The following DIP2C variants were observed in gnomAD, a reference collection of about 807,000 sequenced individuals.
DIP2C encodes disco-interacting protein 2 homolog C.
Under a neutral mutation model 192.4 loss-of-function variants are expected in DIP2C, and 33 were observed. That is an observed-to-expected ratio of 0.17 (90% CI 0.13 to 0.23). The LOEUF is 0.23. DIP2C is among the 10% of genes least tolerant of loss of function. The pLI is 1.00. For missense variants in DIP2C, 1,537 were observed against 2,110.1 expected (o/e 0.73, Z 5.32); for synonymous variants, 979 against 864.1 (o/e 1.13, Z -2.33).
intron 20 of DIP2C, 54 bp downstream of exon 20, chr10:364,320 T>G: frequency 6.4e-7 from 1 of 1,568,304 alleles, no homozygotes; most frequent in Non-Finnish European, 8.7e-7. Context: ...CAAAACCACA[T>G]AAAAAATATG....
chr10:421,652 G>A (rs957784179), intron 5 of DIP2C, among the ~76,000 whole-genome samples: 1 of 152,180 alleles, frequency 6.6e-6, no homozygotes, highest in Non-Finnish European at 1.5e-5. Flanking sequence ...ATACTGCTTT[G>A]CATTTGAGTA....
chr10:428,763 A>C (rs1464191507), intron 4 of DIP2C, among the ~76,000 whole-genome samples: 1 of 152,106 alleles, frequency 6.6e-6, no homozygotes, highest in Non-Finnish European at 1.5e-5. Context: ...CAAGGATATT[A>C]ACATTGTGTC....
chr10:401,880 T>G (rs1964481257), intron 9 of DIP2C, among the ~76,000 whole-genome samples: 1 of 150,166 alleles, frequency 6.7e-6, no homozygotes, highest in African/African-American at 2.5e-5. Context: ...TTTGGTACAT[T>G]TTCATCAGCA....
chr10:586,091 A>G (rs1851005166), intron 1 of DIP2C, among the ~76,000 whole-genome samples: 1 of 152,166 alleles, frequency 6.6e-6, no homozygotes, highest in Non-Finnish European at 1.5e-5. Context: ...CAACCAAGGC[A>G]AAGTAAGGTC....
intron 1 of DIP2C, chr10:668,287 TAACACATACAACATAC>T (rs1857235931): frequency 6.6e-6 from 1 of 150,566 alleles, no homozygotes; most frequent in Non-Finnish European, 1.5e-5. Flanking sequence ...ATACAACATA[TAACACATACAACATAC>T]AACACATGCA....
At chr10:462,291 A>C (rs1969850227) in intron 3 of DIP2C, among the ~76,000 whole-genome samples, 2 of 152,184 alleles carry the variant, frequency 1.3e-5, no homozygotes, top group Non-Finnish European at 2.9e-5. Flanking sequence ...TAGCCAGACA[A>C]AGAAGAAAAG....
chr10:599,319 C>G (rs1290641182), intron 1 of DIP2C, among the ~76,000 whole-genome samples: 1 of 152,204 alleles, frequency 6.6e-6, no homozygotes. Context: ...TACAGGAACA[C>G]ACAGGTAAGT....
At chr10:345,522 TCCCAGACACACCGCGCATAGTTCTCCCG>T (rs1564590224) in intron 26 of DIP2C, among the ~76,000 whole-genome samples, 7 of 34,664 alleles carry the variant, frequency 2.0e-4, no homozygotes, top group African/African-American at 7.7e-4. Context: ...CAAACACCCA[TCCCAGACACACCGCGCATAGTTCTCCCG>T]GAAACCCCCC....
At chr10:635,479 G>A (rs962744629) in intron 1 of DIP2C, among the ~76,000 whole-genome samples, 3 of 152,242 alleles carry the variant, frequency 2.0e-5, no homozygotes, top group African/African-American at 7.2e-5. Flanking sequence ...GGCCAGCAGG[G>A]GCGAGGCCGG....
intron 10 of DIP2C, among the ~76,000 whole-genome samples, chr10:394,934 A>G (rs975693506): frequency 2.0e-5 from 3 of 152,012 alleles, no homozygotes; most frequent in African/African-American, 7.2e-5. Flanking sequence ...ACACTGTGCC[A>G]CACAGTGGGC....
chr10:283,512 C>T, intron 34 of DIP2C, 66 bp from the exon 35 acceptor site: 2 of 1,567,974 alleles, frequency 1.3e-6, no homozygotes, highest in Non-Finnish European at 1.7e-6. Context: ...GAGACTACAA[C>T]TACTTTGACA....
intron 5 of DIP2C, 70 bp from the exon 6 acceptor site, chr10:419,269 G>A (rs1966012204): frequency 6.2e-7 from 1 of 1,603,904 alleles, no homozygotes; most frequent in Non-Finnish European, 8.5e-7. Context: ...ACAAGCCACA[G>A]CCCAGGAAGA....
intron 17 of DIP2C, among the ~76,000 whole-genome samples, chr10:374,077 CAT>C (rs1175548696): frequency 6.6e-6 from 1 of 152,216 alleles, no homozygotes; most frequent in Admixed American, 6.5e-5. Context: ...CTTCACTAAA[CAT>C]ATCTGCAGAT....
In DIP2C at chr10:487,481, G is replaced by A. The variant is rs376453150; in HGVS notation, c.86-951C>T. Among the ~76,000 whole-genome samples the A allele has an allele frequency of 1.1e-4, 16 of 149,180 alleles. No homozygotes were observed. The East Asian group carries it at 1.8e-3, about 17-fold the overall frequency. Reference sequence around the variant, plus strand: ...CTCACAGCTCATGATACAGGTTCTCGTCTCCCCCACGGAACACAAGGCTGA... The same window carrying A: ...CTCACAGCTCATGATACAGGTTCTCATCTCCCCCACGGAACACAAGGCTGA... On this transcript the variant is annotated intron_variant, in intron 1 of 36. Coordinates refer to ENST00000280886, the MANE Select transcript of DIP2C (RefSeq NM_014974.3).
Position 674,789 on chromosome 10 carries a change from TAG to T in DIP2C, c.85+14703_85+14704del, listed in dbSNP as rs1554772102. ...CATCTCAAATATATATATATATATA[TAG>T]AGAGAGAGAGAGAGAGAGAGAGAGA... is the stretch of plus-strand genomic sequence containing the variant. On this transcript the variant is annotated intron_variant, in intron 1 of 36. Coordinates refer to ENST00000280886, the MANE Select transcript of DIP2C (RefSeq NM_014974.3). 2.9e-3 allele frequency among the ~76,000 whole-genome samples: 180 copies of T among 62,464 alleles called. 1 individual carries two copies. Among genetic ancestry groups the T allele is most frequent in the Middle Eastern group, 9.1e-3 (1 of 110 alleles). 41.0% of individuals were successfully genotyped at this position (62,464 alleles called of 152,430 possible).
chr10:644,491 G>A (rs1013783512), intron 1 of DIP2C, among the ~76,000 whole-genome samples: 2 of 152,266 alleles, frequency 1.3e-5, no homozygotes, highest in Admixed American at 6.5e-5. Context: ...CTGGGAGCGC[G>A]GCTTCTTGCT....
rs766379689 is a variant in DIP2C, at chr10:479,328, C to CTTT, written c.158-6782_158-6780dup. The stretch of plus-strand genomic sequence containing the variant: ...CCTAACCCCATGAATTCTCACACTG[C>CTTT]TTTTTTTTTTTTTTTTTTTTTTTTA... On this transcript the variant is annotated intron_variant, in intron 2 of 36. Transcript: ENST00000280886. Among the ~76,000 whole-genome samples the CTTT allele has an allele frequency of 2.9e-3, 254 of 88,396 alleles. 4 individuals are homozygous for CTTT. The highest frequency in any genetic ancestry group is 4.1e-3 in the Non-Finnish European group (190 of 46,348). The allele number at this position is 88,396 out of a possible 152,430, so 58.0% of individuals were successfully genotyped here.
At chr10:486,844 T>C (rs1844054907) in intron 1 of DIP2C, among the ~76,000 whole-genome samples, 1 of 152,208 alleles carries the variant, frequency 6.6e-6, no homozygotes, top group Non-Finnish European at 1.5e-5. Flanking sequence ...AAGCCAAGCC[T>C]GGTGGCCGGG....
At chr10:434,556 A>G (rs1967024013) in intron 4 of DIP2C, among the ~76,000 whole-genome samples, 1 of 152,186 alleles carries the variant, frequency 6.6e-6, no homozygotes, top group Non-Finnish European at 1.5e-5. Context: ...GACAGGTGTG[A>G]GCCCCTGTAC....
Sources: allele counts gnomAD v4.1 joint callset (sites outside exome capture counted in the v4.1 genomes callset), GRCh38; gene constraint gnomAD v4.1.1; transcripts MANE v1.5; gene names NCBI Gene and HGNC (gene_info 2026-07-23, HGNC 2026-07-21).